Variants in NRG1 observed in about 807,000 individuals in gnomAD.
The protein encoded by NRG1 is pro-neuregulin-1, membrane-bound isoform.
A neutral mutation model predicts 63.8 loss-of-function variants in NRG1; 18 were observed. The ratio of observed to expected loss-of-function variants is 0.28; its 90% CI spans 0.19 to 0.42. The LOEUF is 0.42. NRG1 is among the 10% of genes least tolerant of loss of function. The pLI, the probability that NRG1 is intolerant of heterozygous loss-of-function variation, is 1.00. For synonymous variants in NRG1, 302 were observed against 301.3 expected, an observed-to-expected ratio of 1.00 and a Z score of -0.02; for missense variants, 762 against 814.7, an observed-to-expected ratio of 0.94 and a Z score of 0.79.
At chr8:31,775,306 C>T (rs1819012633) in intron 1 of NRG1, among the ~76,000 whole-genome samples, 2 of 152,070 alleles carry the variant, frequency 1.3e-5, no homozygotes, top group African/African-American at 2.4e-5. Flanking sequence ...CAGGTATGAA[C>T]CTGGAGGCCA....
chr8:32,186,460 CAAAA>C (rs748750103), intron 1 of NRG1, among the ~76,000 whole-genome samples: 2 of 52,222 alleles, frequency 3.8e-5, no homozygotes, highest in Admixed American at 1.9e-4. Flanking sequence ...GACTCCGTCT[CAAAA>C]AAAAAAAAAA....
intron 1 of NRG1, among the ~76,000 whole-genome samples, chr8:31,844,221 T>C (rs1437669471): frequency 6.6e-6 from 1 of 152,138 alleles, no homozygotes; most frequent in Non-Finnish European, 1.5e-5. Context: ...CTGCCTCCTG[T>C]GGTGCTGTTT....
At chr8:32,257,559 C>T (rs572292001) in intron 1 of NRG1, among the ~76,000 whole-genome samples, 18 of 123,026 alleles carry the variant, frequency 1.5e-4, no homozygotes, top group Middle Eastern at 4.3e-3. Flanking sequence ...TAGTAGCTGA[C>T]GATTTTTTTT....
chr8:32,390,078 G>C (rs920447016), intron 1 of NRG1, among the ~76,000 whole-genome samples: 3 of 151,956 alleles, frequency 2.0e-5, no homozygotes, highest in African/African-American at 7.3e-5. Context: ...CTTACTGTTC[G>C]TCATTTTTTT....
At chr8:31,783,905 C>G (rs1362127083) in intron 1 of NRG1, among the ~76,000 whole-genome samples, 1 of 152,148 alleles carries the variant, frequency 6.6e-6, no homozygotes, top group Non-Finnish European at 1.5e-5. Flanking sequence ...ATATGCTAGG[C>G]AAGGTGCTAC....
intron 1 of NRG1, among the ~76,000 whole-genome samples, chr8:32,460,493 C>A (rs1437033792): frequency 3.3e-5 from 5 of 152,166 alleles, no homozygotes; most frequent in Non-Finnish European, 7.4e-5. Context: ...CGCCTTTCAA[C>A]TTTGAACATT....
chr8:32,533,718 G>A (rs537070447), intron 1 of NRG1, among the ~76,000 whole-genome samples: 2 of 152,046 alleles, frequency 1.3e-5, no homozygotes, highest in East Asian at 3.9e-4. Context: ...TACCTGCCAG[G>A]TAAAAGCACC....
In NRG1 at chr8:31,998,687, C is replaced by T. The variant is rs111855411; in HGVS notation, c.37+359256C>T. ...CTGTCCATGGCGTGAGAGTAACCAC[C>T]ACACTGACATTTGTTGAAGAAAGGT... On this transcript the variant is annotated intron_variant, in intron 1 of 10. Transcript: ENST00000519301. Among the ~76,000 whole-genome samples the T allele has an allele frequency of 5.4e-3, 823 of 152,054 alleles. 4 individuals carry two copies. Among genetic ancestry groups the T allele is most frequent in the Non-Finnish European group, 9.7e-3 (659 of 67,936 alleles).
At chr8:31,681,080 A>G (rs920743737) in intron 1 of NRG1, among the ~76,000 whole-genome samples, 4 of 152,124 alleles carry the variant, frequency 2.6e-5, no homozygotes, top group South Asian at 2.1e-4. Context: ...AGACAGGTAA[A>G]TGCAATAAAT....
chr8:31,780,830 C>A (rs1819615053), intron 1 of NRG1, among the ~76,000 whole-genome samples: 1 of 152,072 alleles, frequency 6.6e-6, no homozygotes, highest in South Asian at 2.1e-4. Context: ...TTTTCTCTGC[C>A]ACCACAGAGG....
intron 1 of NRG1, among the ~76,000 whole-genome samples, chr8:31,704,521 T>TG (rs1810931534): frequency 2.0e-5 from 3 of 152,076 alleles, no homozygotes; most frequent in Admixed American, 6.6e-5. Flanking sequence ...TGACATTTTT[T>TG]GGGGGGTTAG....
At chr8:32,553,166 C>A (rs1588253796) in intron 1 of NRG1, among the ~76,000 whole-genome samples, 1 of 151,954 alleles carries the variant, frequency 6.6e-6, no homozygotes, top group Non-Finnish European at 1.5e-5. Flanking sequence ...CCTAAATTTC[C>A]TTTTTCTGCA....
chr8:32,717,507 G>T (rs1177579637), intron 5 of NRG1, among the ~76,000 whole-genome samples: 1 of 152,178 alleles, frequency 6.6e-6, no homozygotes, highest in Non-Finnish European at 1.5e-5. Flanking sequence ...ACTCCTGGGA[G>T]TTGTGGGAAA....
At chr8:31,781,776 A>G (rs17660320) in intron 1 of NRG1, among the ~76,000 whole-genome samples, 1,897 of 152,226 alleles carry the variant, frequency 0.012, 28 homozygotes, top group Non-Finnish European at 0.02. Context: ...CCTCTGAAAC[A>G]GAATCTGGTT....
intron 1 of NRG1, among the ~76,000 whole-genome samples, chr8:32,428,966 C>T (rs1465828366): frequency 6.6e-6 from 1 of 152,144 alleles, no homozygotes; most frequent in Non-Finnish European, 1.5e-5. Flanking sequence ...CATTGGAAAG[C>T]ATAAATTAGT....
At chr8:32,033,129 C>T (rs920741912) in intron 1 of NRG1, among the ~76,000 whole-genome samples, 2 of 140,508 alleles carry the variant, frequency 1.4e-5, no homozygotes, top group Admixed American at 7.5e-5. Context: ...GAGTCTCGCT[C>T]TTCTGCCCAG....
At chr8:31,746,432 T>G (rs1815869984) in intron 1 of NRG1, among the ~76,000 whole-genome samples, 1 of 151,994 alleles carries the variant, frequency 6.6e-6, no homozygotes, top group Admixed American at 6.6e-5. Context: ...TTTTGCAGTG[T>G]TTGCTACAAT....
At chr8:31,874,848 G>A (rs71523446) in intron 1 of NRG1, among the ~76,000 whole-genome samples, 8,305 of 151,944 alleles carry the variant, frequency 0.055, 289 homozygotes, top group Admixed American at 0.12. Context: ...TGACTCACTG[G>A]GGAATAAACA....
intron 1 of NRG1, among the ~76,000 whole-genome samples, chr8:31,771,166 A>G (rs1352242456): frequency 1.3e-5 from 2 of 152,102 alleles, no homozygotes; most frequent in African/African-American, 2.4e-5. Context: ...CCTTTCCCCA[A>G]CCTAATGCCT....
Sources: gnomAD v4.1 joint callset for allele counts (sites outside exome capture counted in the v4.1 genomes callset) on GRCh38, gnomAD v4.1.1 for gene constraint, MANE v1.5 for transcripts, NCBI Gene and HGNC (gene_info 2026-07-23, HGNC 2026-07-21) for gene names.